Variants in PBX1 observed in about 807,000 individuals in gnomAD.
PBX1 encodes the protein pre-B-cell leukemia transcription factor 1.
In PBX1, 6 loss-of-function variants were observed where a neutral mutation model predicts 53.4. The observed-to-expected ratio is 0.11, with a 90% CI of 0.06 to 0.22. The LOEUF (loss-of-function observed/expected upper bound fraction) is 0.22, where lower values mean the gene tolerates loss of function less well. PBX1 is among the 10% of genes least tolerant of loss of function. The pLI, the probability that PBX1 is intolerant of heterozygous loss-of-function variation, is 1.00. For synonymous variants in PBX1, 204 were observed against 212.3 expected (o/e 0.96, Z 0.34); for missense variants, 251 against 551.4 (o/e 0.46, Z 5.46).
intron 2 of PBX1, among the ~76,000 whole-genome samples, chr1:164,786,681 CTGTGTGTGTG>C (rs74747780): frequency 0.072 from 10,080 of 140,480 alleles, 956 homozygotes; most frequent in African/African-American, 0.22. Flanking sequence ...TCAGAAGAGA[CTGTGTGTGTG>C]TGTGTGTGTG....
chr1:164,828,293 T>A (rs1390936947), intron 8 of PBX1: 1 of 152,140 alleles, frequency 6.6e-6, no homozygotes, highest in Non-Finnish European at 1.5e-5. Flanking sequence ...TGTGTGTACA[T>A]GTACATTCCA....
intron 2 of PBX1, among the ~76,000 whole-genome samples, chr1:164,789,424 G>A (rs977612001): frequency 2.0e-5 from 3 of 152,212 alleles, no homozygotes; most frequent in Non-Finnish European, 4.4e-5. Flanking sequence ...GATCACCTGT[G>A]TAGCTCCTGG....
At chr1:164,735,468 T>C (rs929479261) in intron 2 of PBX1, among the ~76,000 whole-genome samples, 6 of 152,042 alleles carry the variant, frequency 3.9e-5, no homozygotes, top group Middle Eastern at 3.4e-3. Flanking sequence ...AAGAGAGCAA[T>C]TGAGAGAGAA....
At chr1:164,819,972 G>C (rs943477886) in intron 6 of PBX1, 100 bp from the exon 7 acceptor site, 3 of 684,756 alleles carry the variant, frequency 4.4e-6, no homozygotes, top group East Asian at 2.6e-5. Flanking sequence ...TTTTATTTGG[G>C]GGGGGTTGCT....
chr1:164,777,383 A>T (rs1667724481), intron 2 of PBX1, among the ~76,000 whole-genome samples: 1 of 152,226 alleles, frequency 6.6e-6, no homozygotes, highest in African/African-American at 2.4e-5. Context: ...AGATCTGGCC[A>T]CTGCACTCCA....
chr1:164,702,325 A>G (rs1663168873), intron 2 of PBX1, among the ~76,000 whole-genome samples: 1 of 152,206 alleles, frequency 6.6e-6, no homozygotes, highest in Non-Finnish European at 1.5e-5. Context: ...CCCTGAGCTC[A>G]CATTCATGGG....
At chr1:164,819,291 G>A (rs1456440041) in intron 6 of PBX1, 1 of 152,200 alleles carries the variant, frequency 6.6e-6, no homozygotes, top group Non-Finnish European at 1.5e-5. Flanking sequence ...GATGGCTAAT[G>A]GCCCTTCTTG....
intron 2 of PBX1, among the ~76,000 whole-genome samples, chr1:164,635,065 AG>A (rs1658664955): frequency 8.5e-6 from 1 of 118,236 alleles, no homozygotes; most frequent in Admixed American, 1.1e-4. Flanking sequence ...ATCTTAGAGA[AG>A]GTAGAAGTGT....
At chr1:164,580,844 G>T (rs1654567135) in intron 2 of PBX1, among the ~76,000 whole-genome samples, 2 of 152,196 alleles carry the variant, frequency 1.3e-5, no homozygotes, top group African/African-American at 4.8e-5. Flanking sequence ...CTCCCAGAGT[G>T]CTGGGATTAT....
At chr1:164,702,336 C>CATGG (rs1663169389) in intron 2 of PBX1, among the ~76,000 whole-genome samples, 1 of 152,194 alleles carries the variant, frequency 6.6e-6, no homozygotes, top group African/African-American at 2.4e-5. Context: ...CATTCATGGG[C>CATGG]ATGGGCTCAA....
rs1427044722 is a variant in PBX1 at position 164,667,400 on chromosome 1, CAT to C, written c.265+104092_265+104093del. On this transcript the variant is annotated intron_variant, in intron 2 of 8. Transcript: ENST00000420696. Reference sequence around the variant, plus strand: ...TGTATATAACATGTATTTTATATAACATATGTATAATATGTGTGTGTGTGTGT... The same window carrying C: ...TGTATATAACATGTATTTTATATAACATGTATAATATGTGTGTGTGTGTGT... 5.8e-5 allele frequency among the ~76,000 whole-genome samples: 7 copies of C among 119,988 alleles called. No individual in the cohort carries two copies. In the East Asian group the frequency reaches 7.8e-4, roughly 13 times the overall value. The allele number at this position is 119,988 out of a possible 152,430, so 78.7% of individuals were successfully genotyped here.
At chr1:164,724,821 C>T (rs73025062) in intron 2 of PBX1, among the ~76,000 whole-genome samples, 2,548 of 151,778 alleles carry the variant, frequency 0.017, 67 homozygotes, top group African/African-American at 0.059. Context: ...ATTCCTCTTT[C>T]AGGCAAATAT....
At chr1:164,809,023 A>G (rs2102339406) in intron 5 of PBX1, among the ~76,000 whole-genome samples, 1 of 152,290 alleles carries the variant, frequency 6.6e-6, no homozygotes, top group Non-Finnish European at 1.5e-5. Context: ...TTCCACAAAA[A>G]AGGGAATTAA....
At chr1:164,729,572 T>G (rs1163017738) in intron 2 of PBX1, among the ~76,000 whole-genome samples, 7 of 152,236 alleles carry the variant, frequency 4.6e-5, no homozygotes, top group African/African-American at 1.7e-4. Context: ...CTTTGTTCTA[T>G]TCTCAACATG....
chr1:164,811,718 G>C (rs952570567), intron 5 of PBX1, among the ~76,000 whole-genome samples: 7 of 152,108 alleles, frequency 4.6e-5, no homozygotes, highest in African/African-American at 1.7e-4. Context: ...AAATTAAAAG[G>C]GTTCTAGCTT....
rs776560517 is a variant in PBX1 at position 164,792,609 on chromosome 1, G to C, written c.381G>C (p.Ala127=). ...VAGPEKGGGS[A]AAAAAAAASG... is the part of the protein sequence containing the mutation. ...GGCCTGAGAAGGGCGGAGGGTCGGC[G>C]GCAGCGGCGGCAGCGGCGGCGGCTT... Residue 127 remains alanine, a synonymous_variant, in exon 3 of 9, where the codon GCG becomes GCC. Coordinates refer to ENST00000420696, the MANE Select transcript of PBX1 (RefSeq NM_002585.4). The C allele has an allele frequency of 1.2e-6, 2 of 1,613,028 alleles. No individual in the cohort carries two copies. The highest frequency in any genetic ancestry group is 1.7e-6 in the Non-Finnish European group (2 of 1,179,596).
chr1:164,860,275 G>A (rs1182741268), intron 2 of PBX1, among the ~76,000 whole-genome samples: 1 of 152,138 alleles, frequency 6.6e-6, no homozygotes, highest in Non-Finnish European at 1.5e-5. Context: ...CTGAATGCTG[G>A]GAATACACTA....
chr1:164,767,931 G>T (rs1212412591), intron 2 of PBX1, among the ~76,000 whole-genome samples: 1 of 151,922 alleles, frequency 6.6e-6, no homozygotes, highest in African/African-American at 2.4e-5. Flanking sequence ...GACTCATGTT[G>T]TTGAACCAGA....
At chr1:164,855,658 G>A (rs1327562431), downstream of PBX1, among the ~76,000 whole-genome samples, 3 of 152,192 alleles carry the variant, frequency 2.0e-5, no homozygotes, top group Non-Finnish European at 4.4e-5. Flanking sequence ...AAAACTTGGT[G>A]AGGAAGCAGG....
Sources: gnomAD v4.1 joint callset for allele counts (sites outside exome capture counted in the v4.1 genomes callset) on GRCh38, gnomAD v4.1.1 for gene constraint, MANE v1.5 for transcripts, NCBI Gene and HGNC (gene_info 2026-07-23, HGNC 2026-07-21) for gene names.